Variants in PTPRK observed in about 807,000 individuals in gnomAD.
PTPRK encodes the protein receptor-type tyrosine-protein phosphatase kappa.
PTPRK carries 75 observed loss-of-function variants against 178.0 expected under a neutral mutation model. That is an observed-to-expected ratio of 0.42 (90% CI 0.35 to 0.51). PTPRK has a LOEUF of 0.51. Ranked by LOEUF, PTPRK falls within the 20% of genes least tolerant of loss-of-function variation. The pLI is 0.02. For missense variants in PTPRK, 1,441 were observed against 1,797.8 expected (o/e 0.80, Z 3.59); for synonymous variants, 637 against 620.6 (o/e 1.03, Z -0.39).
intron 1 of PTPRK, among the ~76,000 whole-genome samples, chr6:128,459,324 A>G (rs950074970): frequency 2.6e-5 from 4 of 152,116 alleles, no homozygotes; most frequent in African/African-American, 9.7e-5. Flanking sequence ...CACTACTTAC[A>G]ATGGGACAAA....
chr6:128,494,003 T>C (rs1854294229), intron 1 of PTPRK, among the ~76,000 whole-genome samples: 1 of 152,190 alleles, frequency 6.6e-6, no homozygotes. Context: ...TGGTACACAC[T>C]AGTGGTTTAC....
At position 128,067,682 on chromosome 6, in the gene PTPRK, C is replaced by T. The variant is rs760874630; in HGVS notation, c.1994G>A (p.Gly665Asp). 3 of 1,613,670 alleles carry T rather than the reference C, an allele frequency of 1.9e-6. No homozygotes were observed. The highest frequency in any genetic ancestry group is 4.5e-5 in the East Asian group (2 of 44,850). ...TTCTGCAGCAAAGTAATACGGTGCA[C>T]CCCCACTCATGGCATTTTGGTATGT... ...PVTYQNAMSGGAPYYFAAELP... is the reference protein window; with the variant it reads ...PVTYQNAMSGDAPYYFAAELP... Residue 665 changes from glycine to aspartate, a missense_variant, in exon 12 of 30, where the codon GGT (glycine) becomes GAT (aspartate). By Grantham distance (94) the Gly-to-Asp change is moderately conservative. This residue lies in a region of PTPRK where 945 missense variants were observed against 1,080.6 expected (regional missense o/e 0.87). Coordinates refer to ENST00000368226, the MANE Select transcript of PTPRK (RefSeq NM_002844.4).
At chr6:128,225,457 C>G (rs1361471525) in intron 5 of PTPRK, among the ~76,000 whole-genome samples, 2 of 152,120 alleles carry the variant, frequency 1.3e-5, no homozygotes, top group African/African-American at 4.8e-5. Flanking sequence ...CCAAATTAAT[C>G]CCAAGGAACT....
intron 7 of PTPRK, among the ~76,000 whole-genome samples, chr6:128,164,546 G>T (rs1434840748): frequency 6.6e-6 from 1 of 151,230 alleles, no homozygotes; most frequent in Non-Finnish European, 1.5e-5. Context: ...ATATGAGTTT[G>T]CTTCAATACT....
chr6:128,366,322 A>T (rs1342269401), intron 2 of PTPRK, among the ~76,000 whole-genome samples: 1 of 152,170 alleles, frequency 6.6e-6, no homozygotes, highest in African/African-American at 2.4e-5. Context: ...AACAGATGTA[A>T]TTAAAACCTT....
rs1404405647 is a variant in PTPRK at position 128,519,365 on chromosome 6, CCAGGGCTA to C, written c.100+886_100+893del. On this transcript the variant is annotated intron_variant, in intron 1 of 29. Transcript: ENST00000368226. This position sits in a 1 kb window ranked among gnomAD's most constrained non-coding sequence, Gnocchi z 4.3. ...CTCTGAGCGGCTTGACCGAGAACCC[CCAGGGCTA>C]CAGCGAGACGCTCCACTTGTCTCCT... is the stretch of plus-strand genomic sequence containing the variant. Among the ~76,000 whole-genome samples the C allele has an allele frequency of 6.6e-6, 1 of 152,220 alleles. No individual in the cohort carries two copies. Among genetic ancestry groups the C allele is most frequent in the Non-Finnish European group, 1.5e-5 (1 of 68,040 alleles).
At chr6:128,400,256 C>A (rs1478604584) in intron 1 of PTPRK, among the ~76,000 whole-genome samples, 1 of 151,994 alleles carries the variant, frequency 6.6e-6, no homozygotes, top group Non-Finnish European at 1.5e-5. Context: ...ATGAGTTACT[C>A]ATAGTGAATA....
chr6:128,122,496 C>A (rs1395327745), intron 7 of PTPRK, among the ~76,000 whole-genome samples: 1 of 152,134 alleles, frequency 6.6e-6, no homozygotes, highest in Non-Finnish European at 1.5e-5. Context: ...AAAACTCTTT[C>A]AATGTAAACC....
chr6:128,381,855 T>A (rs1837954509), intron 2 of PTPRK, among the ~76,000 whole-genome samples: 1 of 152,126 alleles, frequency 6.6e-6, no homozygotes, highest in Non-Finnish European at 1.5e-5. Context: ...AAGTTTAGAC[T>A]AGAGATAATC....
chr6:128,298,869 G>A (rs1320969562), intron 3 of PTPRK, among the ~76,000 whole-genome samples: 1 of 152,072 alleles, frequency 6.6e-6, no homozygotes, highest in Non-Finnish European at 1.5e-5. Flanking sequence ...GTTCTGGTCA[G>A]GGCAATTAGG....
rs146383727 is a variant in PTPRK, at chr6:128,291,763, T to C, written c.495+30276A>G. On this transcript the variant is annotated intron_variant, in intron 3 of 29. Coordinates refer to ENST00000368226, the MANE Select transcript of PTPRK (RefSeq NM_002844.4). ...AAACTTATGTTGTGTTTGTTTGGCA[T>C]GGTGTTTTAACACAATACATTCTCA... is the stretch of plus-strand genomic sequence containing the variant. Among the ~76,000 whole-genome samples the C allele has an allele frequency of 4.6e-5, 7 of 152,276 alleles. No individual in the cohort carries two copies. The East Asian group carries it at 7.7e-4, about 17-fold the overall frequency.
At chr6:128,456,467 G>C (rs978009666) in intron 1 of PTPRK, among the ~76,000 whole-genome samples, 3 of 151,776 alleles carry the variant, frequency 2.0e-5, no homozygotes, top group Non-Finnish European at 2.9e-5. Flanking sequence ...AACCATATCA[G>C]GAGTATCTAA....
At chr6:128,386,437 T>A (rs1375921344) in intron 2 of PTPRK, among the ~76,000 whole-genome samples, 2 of 152,282 alleles carry the variant, frequency 1.3e-5, no homozygotes, top group African/African-American at 4.8e-5. Flanking sequence ...GAGGAAATAG[T>A]TAATCCCTGG....
intron 2 of PTPRK, among the ~76,000 whole-genome samples, chr6:128,345,629 A>C (rs1288717589): frequency 6.6e-6 from 1 of 152,250 alleles, no homozygotes; most frequent in Non-Finnish European, 1.5e-5. Flanking sequence ...CTTCAGGAGA[A>C]GCAAGAATGT....
intron 5 of PTPRK, among the ~76,000 whole-genome samples, chr6:128,226,984 C>T (rs1811456617): frequency 6.6e-6 from 1 of 151,764 alleles, no homozygotes; most frequent in African/African-American, 2.4e-5. Flanking sequence ...TTTAAAGGTA[C>T]TTATAACCTC....
intron 2 of PTPRK, among the ~76,000 whole-genome samples, chr6:128,369,236 G>A (rs1835938926): frequency 6.7e-6 from 1 of 149,620 alleles, no homozygotes; most frequent in African/African-American, 2.5e-5. Flanking sequence ...GTTTTGAGAA[G>A]TGCAGTAATG....
chr6:128,272,450 A>G (rs1401883144), intron 3 of PTPRK, among the ~76,000 whole-genome samples: 1 of 152,210 alleles, frequency 6.6e-6, no homozygotes, highest in Admixed American at 6.5e-5. Context: ...AATTTTTACA[A>G]TCTACTCATC....
At chr6:128,221,545 A>C in intron 5 of PTPRK, among the ~76,000 whole-genome samples, 1 of 151,330 alleles carries the variant, frequency 6.6e-6, no homozygotes, top group East Asian at 1.9e-4. Context: ...AAATAATAAT[A>C]ATAATAATAA....
At chr6:128,403,017 C>T (rs939070658) in intron 1 of PTPRK, among the ~76,000 whole-genome samples, 4 of 152,148 alleles carry the variant, frequency 2.6e-5, no homozygotes, top group Non-Finnish European at 4.4e-5. Flanking sequence ...ACTAGAGACA[C>T]ATTTCAGGAA....
Sources: gnomAD v4.1 joint callset for allele counts (sites outside exome capture counted in the v4.1 genomes callset) on GRCh38, gnomAD v4.1.1 for gene constraint, gnomAD v4.1.1 regional missense constraint, Gnocchi (gnomAD v3.1) non-coding constraint, MANE v1.5 for transcripts, NCBI Gene and HGNC (gene_info 2026-07-23, HGNC 2026-07-21) for gene names.